The following NECTIN2 variants were observed in gnomAD, a reference collection of about 807,000 sequenced individuals.
NECTIN2 encodes the protein nectin cell adhesion molecule 2.
NECTIN2 carries 23 observed loss-of-function variants against 56.9 expected under a neutral mutation model. The ratio of observed to expected loss-of-function variants is 0.40; its 90% CI spans 0.29 to 0.57. The LOEUF is 0.57. NECTIN2 is among the 20% of genes least tolerant of loss of function. NECTIN2 has a pLI of 0.38. For synonymous variants in NECTIN2, 302 were observed against 313.8 expected (o/e 0.96, Z 0.40); for missense variants, 587 against 718.3 (o/e 0.82, Z 2.09).
chr19:44,884,379 T>G (rs1969338133), intron 6 of NECTIN2, among the ~76,000 whole-genome samples: 1 of 152,116 alleles, frequency 6.6e-6, no homozygotes, highest in Non-Finnish European at 1.5e-5. Flanking sequence ...GGTCTTGAAC[T>G]CCTGACCTCA....
At chr19:44,864,403 G>C (rs963915759) in intron 1 of NECTIN2, among the ~76,000 whole-genome samples, 4 of 152,014 alleles carry the variant, frequency 2.6e-5, no homozygotes, top group Non-Finnish European at 4.4e-5. Context: ...CTGTTGCCCA[G>C]GCTGTTCTTG....
intron 1 of NECTIN2, among the ~76,000 whole-genome samples, chr19:44,851,982 G>A (rs568433362): frequency 5.9e-5 from 9 of 152,106 alleles, no homozygotes; most frequent in East Asian, 3.9e-4. Flanking sequence ...CACCCCCACC[G>A]CTGGTCCTGC....
At position 44,882,218 on chromosome 19, in the gene NECTIN2, C is replaced by T; in HGVS notation, c.1050C>T (p.Pro350=). 6.7e-7 allele frequency: 1 copy of T among 1,490,184 alleles called. No homozygotes were observed. Among genetic ancestry groups the T allele is most frequent in the South Asian group, 1.3e-5 (1 of 75,368 alleles). 92.3% of individuals were successfully genotyped at this position (1,490,184 alleles called of 1,614,324 possible). The change falls in exon 6 of 9, where the codon CCC becomes CCT. Residue 350 remains proline (P), a synonymous_variant. Transcript: ENST00000252483. ...AEQVIFVRET[P]NTAGAGATGG... ...CTGTCCCTCTCCTTGCAGAGACCCC[C>T]AACACAGCAGGCGCAGGGGCCACAG...
At position 44,871,800 on chromosome 19, in the gene NECTIN2, T is replaced by C. The variant is rs1969176944; in HGVS notation, c.479-53T>C. 11 of 1,570,328 alleles carry C rather than the reference T, an allele frequency of 7.0e-6. No individual in the cohort carries two copies. In the South Asian group the frequency reaches 1.0e-4, roughly 15 times the overall value. On this transcript the variant is annotated intron_variant, in intron 2 of 8. Transcript: ENST00000252483. ...CCACCCTGCTCCTCTGCTGAGTGTT[T>C]GTTGAATGACTGCCGGTGAGGAGTG...
intron 1 of NECTIN2, among the ~76,000 whole-genome samples, chr19:44,853,506 T>TC (rs998308769): frequency 9.3e-5 from 14 of 150,172 alleles, no homozygotes; most frequent in Non-Finnish European, 1.9e-4. Context: ...TTTTTTTTTT[T>TC]GAGATGGAGT....
At chr19:44,859,014 C>T (rs1969002063) in intron 1 of NECTIN2, among the ~76,000 whole-genome samples, 2 of 152,204 alleles carry the variant, frequency 1.3e-5, no homozygotes. Flanking sequence ...AGATCCTCGG[C>T]CTGTCCCCAC....
rs187045224 is a variant in NECTIN2 at position 44,858,550 on chromosome 19, T to G, written c.89-6721T>G. Among the ~76,000 whole-genome samples the G allele has an allele frequency of 4.2e-3, 640 of 152,184 alleles. 3 individuals are homozygous for G. Among genetic ancestry groups the G allele is most frequent in the Non-Finnish European group, 5.2e-3 (356 of 67,986 alleles). ...ATTGGCCAGGCTGGTCTCGAACTCC[T>G]GACCTCAGGGTGATCCATCCGCCTC... On this transcript the variant is annotated intron_variant, in intron 1 of 8. Transcript: ENST00000252483.
At chr19:44,882,103 G>T in intron 5 of NECTIN2, 108 bp from the exon 6 acceptor site, 1 of 1,024,510 alleles carries the variant, frequency 9.8e-7, no homozygotes. Context: ...CCTGCCCATG[G>T]GAGAGGACAT....
chr19:44,864,315 G>GA (rs35058449), intron 1 of NECTIN2, among the ~76,000 whole-genome samples: 73,087 of 151,498 alleles, frequency 0.48, 18,811 homozygotes, highest in East Asian at 0.57. Context: ...CCCTGTCTGA[G>GA]AAAAAAAATG....
chr19:44,872,240 A>T (rs1175679798), intron 3 of NECTIN2, 91 bp downstream of exon 3: 1 of 1,458,806 alleles, frequency 6.9e-7, no homozygotes, highest in Non-Finnish European at 9.3e-7. Flanking sequence ...AATGTTGTCT[A>T]CGTGGGTTCC....
intron 5 of NECTIN2, among the ~76,000 whole-genome samples, chr19:44,880,196 G>A (rs1322565254): frequency 9.1e-5 from 13 of 142,132 alleles, no homozygotes; most frequent in Admixed American, 7.6e-4. Flanking sequence ...CACCCCACCC[G>A]GACAACCGGA....
At chr19:44,849,751 C>T (rs2122623606) in intron 1 of NECTIN2, among the ~76,000 whole-genome samples, 2 of 152,192 alleles carry the variant, frequency 1.3e-5, no homozygotes, top group East Asian at 1.9e-4. Flanking sequence ...GAGCCAGGTT[C>T]CAGACACAGG....
chr19:44,858,570 C>G lies in NECTIN2; in HGVS notation c.89-6701C>G, dbSNP rs565892162. 1.4e-4 allele frequency among the ~76,000 whole-genome samples: 22 copies of G among 151,942 alleles called. No homozygotes were observed. In the South Asian group the frequency reaches 4.4e-3, roughly 30 times the overall value. ...ACTCCTGACCTCAGGGTGATCCATC[C>G]GCCTCGGCCTCCCAAAGTGCTGGGA... On this transcript the variant is annotated intron_variant, in intron 1 of 8. Transcript: ENST00000252483.
At chr19:44,853,107 G>GA (rs376160239) in intron 1 of NECTIN2, among the ~76,000 whole-genome samples, 2,435 of 135,218 alleles carry the variant, frequency 0.018, 62 homozygotes, top group African/African-American at 0.056. Context: ...TCCTATCCCA[G>GA]AAAAAAAAAA....
chr19:44,855,555 C>T (rs770063816), intron 1 of NECTIN2, among the ~76,000 whole-genome samples: 4 of 152,146 alleles, frequency 2.6e-5, no homozygotes, highest in Admixed American at 1.3e-4. Flanking sequence ...TTTCGTTCAT[C>T]GTCCCTCCCT....
At position 44,874,585 on chromosome 19, in the gene NECTIN2, G is replaced by A. The variant is rs41290108; in HGVS notation, c.1042+107G>A. 3 of 1,391,172 alleles carry A rather than the reference G, an allele frequency of 2.2e-6. No individual in the cohort carries two copies. Among genetic ancestry groups the A allele is most frequent in the Non-Finnish European group, 3.0e-6 (3 of 1,012,152 alleles). 86.2% of individuals were successfully genotyped at this position (1,391,172 alleles called of 1,614,324 possible). On this transcript the variant is annotated intron_variant, in intron 5 of 8. Transcript: ENST00000252483. This position sits in a 1 kb window ranked among gnomAD's most constrained non-coding sequence, Gnocchi z 6.3. ...GGGGGAGGCTGCGCCGCCGACCTGG[G>A]AGGGATGCAGACCTGCCTGGCTGAG...
chr19:44,867,878 C>T (rs894083323), intron 2 of NECTIN2, among the ~76,000 whole-genome samples: 1 of 151,838 alleles, frequency 6.6e-6, no homozygotes, highest in African/African-American at 2.4e-5. Context: ...AAATGACCGG[C>T]AGCAGTATGA....
intron 1 of NECTIN2, among the ~76,000 whole-genome samples, chr19:44,849,042 C>T (rs1968870786): frequency 6.6e-6 from 1 of 151,968 alleles, no homozygotes; most frequent in African/African-American, 2.4e-5. Flanking sequence ...GGAAGGGGGA[C>T]TGGGCAGAGG....
At chr19:44,853,045 G>C (rs1968919361) in intron 1 of NECTIN2, among the ~76,000 whole-genome samples, 1 of 151,906 alleles carries the variant, frequency 6.6e-6, no homozygotes, top group Non-Finnish European at 1.5e-5. Context: ...CCAAGAGGTT[G>C]AGGCTGCGGC....
Sources: allele counts gnomAD v4.1 joint callset (sites outside exome capture counted in the v4.1 genomes callset), GRCh38; gene constraint gnomAD v4.1.1; non-coding constraint Gnocchi (gnomAD v3.1); transcripts MANE v1.5; gene names NCBI Gene and HGNC (gene_info 2026-07-23, HGNC 2026-07-21).